Variants in SIK2 observed in about 807,000 individuals in gnomAD.
SIK2 encodes salt inducible kinase 2.
A neutral mutation model predicts 103.2 loss-of-function variants in SIK2; 29 were observed. The observed-to-expected ratio is 0.28, with a 90% CI of 0.21 to 0.38. The LOEUF is 0.38. Ranked by LOEUF, SIK2 falls within the 10% of genes least tolerant of loss-of-function variation. The pLI is 1.00. For missense variants in SIK2, 879 were observed against 1,171.0 expected (o/e 0.75, Z 3.64); for synonymous variants, 412 against 446.1 (o/e 0.92, Z 0.96).
chr11:111,632,173 A>C (rs1942048795), intron 3 of SIK2, among the ~76,000 whole-genome samples: 2 of 152,192 alleles, frequency 1.3e-5, no homozygotes, highest in South Asian at 4.1e-4. Flanking sequence ...GTCAAAGTGA[A>C]TAGAAGATGC....
chr11:111,694,286 A>C (rs776438519), intron 4 of SIK2, among the ~76,000 whole-genome samples: 4 of 152,198 alleles, frequency 2.6e-5, no homozygotes, highest in African/African-American at 4.8e-5. Flanking sequence ...TTTAGGACCA[A>C]GGAAAGTTTT....
chr11:111,714,201 T>C (rs1033390757), intron 9 of SIK2, among the ~76,000 whole-genome samples: 7 of 151,974 alleles, frequency 4.6e-5, no homozygotes, highest in Non-Finnish European at 2.9e-5. Flanking sequence ...TCCATCTCCA[T>C]AGAGAAGGGT....
chr11:111,687,645 G>A lies in SIK2; in HGVS notation c.317-356G>A, dbSNP rs539611345. Among the ~76,000 whole-genome samples the A allele has an allele frequency of 0.01, 1,232 of 118,638 alleles. 13 individuals are homozygous for A. In the Middle Eastern group the frequency reaches 0.11, roughly 11 times the overall value. The allele number at this position is 118,638 out of a possible 152,430, so 77.8% of individuals were successfully genotyped here. On this transcript the variant is annotated intron_variant, in intron 3 of 14. Coordinates refer to ENST00000304987, the MANE Select transcript of SIK2 (RefSeq NM_015191.3). ...TTTTTTGAGATAGAGTCTCACTCTC[G>A]TCCAGGCTGGAGGGCAGTGGTGCGA...
intron 3 of SIK2, among the ~76,000 whole-genome samples, chr11:111,650,327 G>T (rs889155465): frequency 1.3e-5 from 2 of 151,662 alleles, no homozygotes; most frequent in African/African-American, 4.8e-5. Context: ...TTTAATTACT[G>T]GTAGGTATAT....
Position 111,723,702 on chromosome 11 carries a change from T to C in SIK2, c.2354T>C (p.Met785Thr), listed in dbSNP as rs780389642. ...SPVLEPSSEQ[M>T]QYSPFLSQYQ... ...GTCCTGGAGCCTTCCTCCGAGCAGA[T>C]GCAATACAGCCCTTTCCTCAGCCAG... The change falls in exon 15 of 15, where the codon ATG becomes ACG. Residue 785 changes from methionine (M) to threonine (T), a missense_variant. Met to Thr is a moderately conservative substitution (Grantham distance 81, BLOSUM62 -1). Transcript: ENST00000304987. The C allele has an allele frequency of 3.7e-6, 6 of 1,614,116 alleles. No homozygotes were observed. Among genetic ancestry groups the C allele is most frequent in the South Asian group, 2.2e-5 (2 of 91,074 alleles).
At chr11:111,691,395 C>T (rs1419783493) in intron 4 of SIK2, among the ~76,000 whole-genome samples, 2 of 152,018 alleles carry the variant, frequency 1.3e-5, no homozygotes, top group Non-Finnish European at 1.5e-5. Context: ...TCTTGGGAGC[C>T]GCTTAGCTAT....
At chr11:111,703,475 T>G in intron 7 of SIK2, 52 bp downstream of exon 7, 3 of 1,521,948 alleles carry the variant, frequency 2.0e-6, no homozygotes, top group Non-Finnish European at 2.7e-6. Context: ...ACTTGAAATT[T>G]CATGCTCACA....
chr11:111,612,716 A>G (rs891134261), intron 1 of SIK2, among the ~76,000 whole-genome samples: 4 of 152,124 alleles, frequency 2.6e-5, no homozygotes, highest in South Asian at 4.1e-4. Context: ...TTGAATTTCA[A>G]AAGTCTGCAT....
chr11:111,633,465 G>A (rs962226213), intron 3 of SIK2, among the ~76,000 whole-genome samples: 4 of 152,104 alleles, frequency 2.6e-5, no homozygotes, highest in African/African-American at 7.2e-5. Context: ...CTTATTTACC[G>A]AGTGAAGCCA....
intron 4 of SIK2, among the ~76,000 whole-genome samples, chr11:111,700,364 T>C (rs1943185392): frequency 6.6e-6 from 1 of 152,318 alleles, no homozygotes; most frequent in Middle Eastern, 3.4e-3. Context: ...AAACAGGATA[T>C]GTGGACCAAC....
intron 3 of SIK2, among the ~76,000 whole-genome samples, chr11:111,677,392 T>C (rs1267094476): frequency 6.6e-6 from 1 of 152,082 alleles, no homozygotes; most frequent in African/African-American, 2.4e-5. Context: ...TATTATTGTC[T>C]TGAAGTACTG....
intron 9 of SIK2, among the ~76,000 whole-genome samples, chr11:111,713,795 C>T (rs1449532508): frequency 5.3e-5 from 8 of 152,028 alleles, no homozygotes; most frequent in East Asian, 1.9e-4. Context: ...GGCGAAACTC[C>T]GTCTCTACTA....
At chr11:111,673,576 A>G (rs1942657657) in intron 3 of SIK2, among the ~76,000 whole-genome samples, 2 of 152,194 alleles carry the variant, frequency 1.3e-5, no homozygotes, top group Admixed American at 1.3e-4. Context: ...TTGTCCTTTC[A>G]GCCTCACTGC....
chr11:111,612,515 C>T (rs1223996180), intron 1 of SIK2, among the ~76,000 whole-genome samples: 1 of 152,130 alleles, frequency 6.6e-6, no homozygotes, highest in Non-Finnish European at 1.5e-5. Flanking sequence ...GCCACCCTTG[C>T]ATTTAGGTGT....
chr11:111,602,719 G>A lies in SIK2; in HGVS notation c.135+21G>A. The A allele has an allele frequency of 1.3e-6, 2 of 1,489,096 alleles. No individual in the cohort carries two copies. The highest frequency in any genetic ancestry group is 1.8e-6 in the Non-Finnish European group (2 of 1,116,944). The allele number at this position is 1,489,096 out of a possible 1,614,324, so 92.2% of individuals were successfully genotyped here. On this transcript the variant is annotated intron_variant, in intron 1 of 14. Coordinates refer to ENST00000304987, the MANE Select transcript of SIK2 (RefSeq NM_015191.3). This position sits in a 1 kb window ranked among gnomAD's most constrained non-coding sequence, Gnocchi z 4.5. ...CGGAGGTGCGGCCCGGGGCTCGGCGGGAGCGTCCGAGGCGAGGGTTCGGGA... is the reference window on the plus strand; with the variant it reads ...CGGAGGTGCGGCCCGGGGCTCGGCGAGAGCGTCCGAGGCGAGGGTTCGGGA...
chr11:111,694,291 A>G (rs1348341205), intron 4 of SIK2, among the ~76,000 whole-genome samples: 1 of 152,108 alleles, frequency 6.6e-6, no homozygotes, highest in Non-Finnish European at 1.5e-5. Flanking sequence ...GACCAAGGAA[A>G]GTTTTTCACA....
rs1314196793 is a variant in SIK2 at position 111,719,876 on chromosome 11, G to A, written c.1368G>A (p.Leu456=). The A allele has an allele frequency of 3.1e-6, 5 of 1,613,978 alleles. No individual in the cohort carries two copies. The highest frequency in any genetic ancestry group is 4.2e-6 in the Non-Finnish European group (5 of 1,180,022). The part of the protein sequence containing the change: ...NMMETSIDEG[L]ETEGEAEEDP... ...TGGAGACCTCCATTGACGAAGGGCT[G>A]GAGACAGAAGGAGAGGCCGAGGAAG... Residue 456 remains leucine, a synonymous_variant, in exon 10 of 15, where the codon CTG becomes CTA. Transcript: ENST00000304987.
In SIK2 at chr11:111,723,683, G is replaced by C; in HGVS notation, c.2335G>C (p.Glu779Gln). 3 of 1,613,886 alleles carry C rather than the reference G, an allele frequency of 1.9e-6. No homozygotes were observed. The highest frequency in any genetic ancestry group is 2.2e-5 in the East Asian group (1 of 44,872). The change falls in exon 15 of 15, where the codon GAG becomes CAG. Residue 779 changes from glutamate to glutamine, a missense_variant. Around this residue, in one of 7 missense-constraint regions of SIK2, gnomAD observed 375 missense variants for 416.3 expected, o/e 0.90. Coordinates refer to ENST00000304987, the MANE Select transcript of SIK2 (RefSeq NM_015191.3). ...GACCCAGCCCCTGAGCCCCGTCCTG[G>C]AGCCTTCCTCCGAGCAGATGCAATA... Reference protein sequence around the residue: ...SLTQPLSPVLEPSSEQMQYSP... With the variant: ...SLTQPLSPVLQPSSEQMQYSP...
intron 1 of SIK2, among the ~76,000 whole-genome samples, chr11:111,615,650 A>G (rs1382801337): frequency 6.6e-6 from 1 of 152,236 alleles, no homozygotes; most frequent in Non-Finnish European, 1.5e-5. Context: ...AGTTTCTGAA[A>G]TAAAATTCCT....
Sources: allele counts gnomAD v4.1 joint callset (sites outside exome capture counted in the v4.1 genomes callset), GRCh38; gene constraint gnomAD v4.1.1; regional missense constraint gnomAD v4.1.1; non-coding constraint Gnocchi (gnomAD v3.1); transcripts MANE v1.5; gene names NCBI Gene and HGNC (gene_info 2026-07-23, HGNC 2026-07-21).